Variants in SH3GL2 observed in about 807,000 individuals in gnomAD.
SH3GL2 encodes the protein SH3 domain containing GRB2 like 2, endophilin A1.
Under a neutral mutation model 46.0 loss-of-function variants are expected in SH3GL2, and 24 were observed. The ratio of observed to expected loss-of-function variants is 0.52; its 90% CI spans 0.38 to 0.73. SH3GL2 has a LOEUF of 0.73. Ranked by LOEUF, SH3GL2 falls within the 30% of genes least tolerant of loss-of-function variation. The probability of loss-of-function intolerance (pLI) is 0.00; values close to 1 mark genes in which losing one functional copy is unlikely to be tolerated. For synonymous variants in SH3GL2, 196 were observed against 147.1 expected, an observed-to-expected ratio of 1.33 and a Z score of -2.40; for missense variants, 413 against 424.2, an observed-to-expected ratio of 0.97 and a Z score of 0.23.
chr9:17,711,147 G>A (rs1309136197), intron 1 of SH3GL2, among the ~76,000 whole-genome samples: 1 of 151,810 alleles, frequency 6.6e-6, no homozygotes, highest in East Asian at 1.9e-4. Context: ...TGCTTCAAAG[G>A]ATGCCTGACA....
chr9:17,607,391 A>G (rs1264958276), intron 1 of SH3GL2, among the ~76,000 whole-genome samples: 1 of 152,234 alleles, frequency 6.6e-6, no homozygotes, highest in East Asian at 1.9e-4. Flanking sequence ...TAAAAATAGT[A>G]TAACTGTACA....
intron 1 of SH3GL2, among the ~76,000 whole-genome samples, chr9:17,647,339 G>A (rs944756974): frequency 6.6e-6 from 1 of 152,198 alleles, no homozygotes; most frequent in African/African-American, 2.4e-5. Context: ...TTTGTCAGAT[G>A]CTATGCTAAA....
At position 17,649,967 on chromosome 9, in the gene SH3GL2, T is replaced by C. The variant is rs1819916272; in HGVS notation, c.45+70680T>C. On this transcript the variant is annotated intron_variant, in intron 1 of 8. Transcript: ENST00000380607. ...AAAAAAGTATAGAATGGCTCAACTT[T>C]AAATTGATTAATCTAAAAAGAAAAG... is the stretch of plus-strand genomic sequence containing the variant. Among the ~76,000 whole-genome samples the C allele has an allele frequency of 1.3e-5, 2 of 152,194 alleles. 1 individual carries two copies. Among genetic ancestry groups the C allele is most frequent in the South Asian group, 4.1e-4 (2 of 4,830 alleles).
intron 1 of SH3GL2, among the ~76,000 whole-genome samples, chr9:17,662,088 C>T (rs763195390): frequency 6.6e-6 from 1 of 152,146 alleles, no homozygotes; most frequent in Non-Finnish European, 1.5e-5. Flanking sequence ...GTGTATCTTG[C>T]TGAATATTCC....
At chr9:17,729,341 TC>T (rs34510434) in intron 1 of SH3GL2, among the ~76,000 whole-genome samples, 1 of 152,162 alleles carries the variant, frequency 6.6e-6, no homozygotes, top group Non-Finnish European at 1.5e-5. Flanking sequence ...TTGTTTAAGT[TC>T]CTTGTAGATT....
chr9:17,720,620 C>G (rs1821871913), intron 1 of SH3GL2, among the ~76,000 whole-genome samples: 2 of 152,128 alleles, frequency 1.3e-5, no homozygotes, highest in Admixed American at 6.5e-5. Context: ...TTACAGTTCA[C>G]TACCTGCTAA....
intron 1 of SH3GL2, among the ~76,000 whole-genome samples, chr9:17,676,271 G>A (rs527640075): frequency 1.7e-3 from 261 of 152,040 alleles, no homozygotes; most frequent in Admixed American, 4.9e-3. Flanking sequence ...AAATATTTAT[G>A]CATCTAAAAT....
intron 1 of SH3GL2, among the ~76,000 whole-genome samples, chr9:17,635,405 T>G (rs1819520721): frequency 6.6e-6 from 1 of 152,186 alleles, no homozygotes; most frequent in Admixed American, 6.5e-5. Context: ...TTAGATTGAT[T>G]CCATGCAAGT....
At chr9:17,588,736 C>T (rs937421485) in intron 1 of SH3GL2, among the ~76,000 whole-genome samples, 1 of 152,202 alleles carries the variant, frequency 6.6e-6, no homozygotes, top group Non-Finnish European at 1.5e-5. Flanking sequence ...ACAGGGAGCT[C>T]ACTTAAGCAG....
At chr9:17,727,008 G>C (rs542152476) in intron 1 of SH3GL2, among the ~76,000 whole-genome samples, 1 of 152,138 alleles carries the variant, frequency 6.6e-6, no homozygotes, top group Admixed American at 6.6e-5. Flanking sequence ...CATTAATAGA[G>C]AGATGCTTGT....
chr9:17,765,284 G>T, intron 3 of SH3GL2, among the ~76,000 whole-genome samples: 1 of 145,306 alleles, frequency 6.9e-6, no homozygotes, highest in Admixed American at 6.8e-5. Flanking sequence ...GAATCAGTAG[G>T]ATTTGATGCT....
intron 1 of SH3GL2, among the ~76,000 whole-genome samples, chr9:17,690,054 T>G (rs10118522): frequency 0.33 from 49,759 of 151,852 alleles, 8,527 homozygotes; most frequent in East Asian, 0.52. Flanking sequence ...GCACATTCTG[T>G]GTGACTCTTG....
chr9:17,704,848 G>A (rs1231511614), intron 1 of SH3GL2, among the ~76,000 whole-genome samples: 1 of 151,994 alleles, frequency 6.6e-6, no homozygotes, highest in Non-Finnish European at 1.5e-5. Flanking sequence ...GATAACCTAG[G>A]ACATGCTGCT....
At chr9:17,762,574 CT>C (rs951276036) in intron 3 of SH3GL2, among the ~76,000 whole-genome samples, 3 of 152,078 alleles carry the variant, frequency 2.0e-5, no homozygotes, top group African/African-American at 7.2e-5. Context: ...GTAGGAATAA[CT>C]TTCTGGATAT....
At chr9:17,632,149 T>C (rs1257886646) in intron 1 of SH3GL2, among the ~76,000 whole-genome samples, 2 of 152,186 alleles carry the variant, frequency 1.3e-5, no homozygotes, top group Non-Finnish European at 2.9e-5. Context: ...TGCCATTTGC[T>C]TTAATGCTGG....
chr9:17,732,357 A>G (rs974633431), intron 1 of SH3GL2, among the ~76,000 whole-genome samples: 7 of 152,150 alleles, frequency 4.6e-5, no homozygotes, highest in African/African-American at 1.7e-4. Flanking sequence ...AGAATTAATT[A>G]GAAATTGGAA....
At chr9:17,641,368 A>T (rs543024516) in intron 1 of SH3GL2, among the ~76,000 whole-genome samples, 7 of 152,314 alleles carry the variant, frequency 4.6e-5, no homozygotes, top group South Asian at 4.1e-4. Context: ...TAGTTTTTTT[A>T]AAATAAATTC....
At chr9:17,747,722 T>C (rs899759994) in intron 2 of SH3GL2, among the ~76,000 whole-genome samples, 1 of 152,142 alleles carries the variant, frequency 6.6e-6, no homozygotes, top group Admixed American at 6.5e-5. Flanking sequence ...TTGCCCAAGC[T>C]GGAGTGCAGT....
intron 1 of SH3GL2, among the ~76,000 whole-genome samples, chr9:17,732,227 C>A (rs1201550461): frequency 7.4e-6 from 1 of 135,594 alleles, no homozygotes; most frequent in Non-Finnish European, 1.5e-5. Context: ...GGAGTTGTTG[C>A]TAATTACTCT....
Sources: allele counts gnomAD v4.1 joint callset (sites outside exome capture counted in the v4.1 genomes callset), GRCh38; gene constraint gnomAD v4.1.1; transcripts MANE v1.5; gene names NCBI Gene and HGNC (gene_info 2026-07-23, HGNC 2026-07-21).